The following BBS9 variants were observed in gnomAD, a reference collection of about 807,000 sequenced individuals.
The protein encoded by BBS9 is protein PTHB1.
In BBS9, 89 loss-of-function variants were observed where a neutral mutation model predicts 117.7. That is an observed-to-expected ratio of 0.76 (90% confidence interval 0.64 to 0.90). BBS9 has a LOEUF of 0.90. BBS9 is among the 40% of genes least tolerant of loss of function. BBS9 has a pLI of 0.00. For missense variants in BBS9, 982 were observed against 1,042.2 expected, an observed-to-expected ratio of 0.94 and a Z score of 0.80; for synonymous variants, 379 against 370.9, an observed-to-expected ratio of 1.02 and a Z score of -0.25.
chr7:33,591,812 A>G (rs1010866854), intron 21 of BBS9, among the ~76,000 whole-genome samples: 4 of 152,052 alleles, frequency 2.6e-5, no homozygotes, highest in Admixed American at 2.6e-4. Context: ...TAGTAATAGC[A>G]CTGCTGGTAA....
chr7:33,424,972 T>G (rs1216688493), intron 19 of BBS9, among the ~76,000 whole-genome samples: 1 of 152,146 alleles, frequency 6.6e-6, no homozygotes, highest in Non-Finnish European at 1.5e-5. Context: ...TTTAAAAATG[T>G]TTATTGACCT....
chr7:33,555,689 TG>T (rs1281596497), intron 21 of BBS9, among the ~76,000 whole-genome samples: 1 of 152,176 alleles, frequency 6.6e-6, no homozygotes, highest in East Asian at 1.9e-4. Context: ...TGGTTCTAGT[TG>T]GCCAATGTGT....
chr7:33,534,276 T>A, intron 21 of BBS9, 100 bp downstream of exon 21: 2 of 1,259,730 alleles, frequency 1.6e-6, no homozygotes, highest in Non-Finnish European at 2.3e-6. Flanking sequence ...CATATTAAAG[T>A]GATGATAGCC....
chr7:33,400,795 TA>T (rs572075551), intron 19 of BBS9, among the ~76,000 whole-genome samples: 2 of 152,172 alleles, frequency 1.3e-5, no homozygotes, highest in Admixed American at 6.5e-5. Flanking sequence ...AAGGATAAAT[TA>T]AGGTGCTGTA....
At chr7:33,309,690 A>G (rs1319104284) in intron 9 of BBS9, among the ~76,000 whole-genome samples, 1 of 152,206 alleles carries the variant, frequency 6.6e-6, no homozygotes, top group African/African-American at 2.4e-5. Flanking sequence ...AATGTATATG[A>G]AAGTCCCTTT....
intron 21 of BBS9, among the ~76,000 whole-genome samples, chr7:33,568,012 C>T (rs2129132120): frequency 6.6e-6 from 1 of 152,264 alleles, no homozygotes. Context: ...CTTTCTTCTT[C>T]AATACATTTT....
chr7:33,228,073 T>C (rs1482449122), intron 5 of BBS9, among the ~76,000 whole-genome samples: 1 of 152,196 alleles, frequency 6.6e-6, no homozygotes, highest in Non-Finnish European at 1.5e-5. Context: ...ATAGTGGTTG[T>C]ACTAATTTAC....
chr7:33,609,314 A>G (rs1864746897), downstream of BBS9, among the ~76,000 whole-genome samples: 1 of 152,132 alleles, frequency 6.6e-6, no homozygotes, highest in Non-Finnish European at 1.5e-5. Context: ...GCAAGAAGAT[A>G]TTTAAATATT....
At chr7:33,290,324 G>A (rs1258097149) in intron 9 of BBS9, among the ~76,000 whole-genome samples, 1 of 152,106 alleles carries the variant, frequency 6.6e-6, no homozygotes. Context: ...CTGCAACACA[G>A]TTTATATGGA....
chr7:33,451,802 GT>G (rs1219653965), intron 19 of BBS9, among the ~76,000 whole-genome samples: 3 of 151,182 alleles, frequency 2.0e-5, no homozygotes, highest in Admixed American at 6.6e-5. Context: ...AACAATTTTT[GT>G]TTTCTGTTTT....
intron 5 of BBS9, among the ~76,000 whole-genome samples, chr7:33,208,343 T>C (rs1787352804): frequency 6.6e-6 from 1 of 152,226 alleles, no homozygotes; most frequent in Admixed American, 6.5e-5. Flanking sequence ...GTCTCTGTTT[T>C]CTTTTTCTAG....
At chr7:33,206,087 C>T (rs1470909549) in intron 5 of BBS9, among the ~76,000 whole-genome samples, 1 of 152,000 alleles carries the variant, frequency 6.6e-6, no homozygotes. Flanking sequence ...TCATTTTTTT[C>T]CCCTGGCAGG....
intron 5 of BBS9, among the ~76,000 whole-genome samples, chr7:33,206,160 C>T (rs891376481): frequency 6.6e-6 from 1 of 152,126 alleles, no homozygotes; most frequent in African/African-American, 2.4e-5. Context: ...TCTGCAAATC[C>T]CCAAGTACTG....
chr7:33,196,748 G>A (rs1024432319), intron 5 of BBS9, among the ~76,000 whole-genome samples: 1 of 152,116 alleles, frequency 6.6e-6, no homozygotes, highest in Non-Finnish European at 1.5e-5. Context: ...GTGAGAAGTC[G>A]GAAGATCAAG....
intron 9 of BBS9, chr7:33,314,175 C>G: frequency 2.8e-6 from 1 of 353,648 alleles, no homozygotes; most frequent in South Asian, 2.4e-5. Context: ...AAAATTCTGG[C>G]CTAGAATCAT....
chr7:33,174,091 T>A (rs996070852), intron 4 of BBS9, among the ~76,000 whole-genome samples: 2 of 152,212 alleles, frequency 1.3e-5, no homozygotes, highest in Non-Finnish European at 2.9e-5. Flanking sequence ...CTAGATCCAG[T>A]CTGATCCTAG....
At chr7:33,337,222 A>AT (rs931797548) in intron 10 of BBS9, among the ~76,000 whole-genome samples, 11 of 151,622 alleles carry the variant, frequency 7.3e-5, no homozygotes, top group South Asian at 2.1e-4. Context: ...AAAGGGTATA[A>AT]TTTTTTTTTG....
chr7:33,320,116 T>C (rs191816171), intron 9 of BBS9, among the ~76,000 whole-genome samples: 1 of 152,260 alleles, frequency 6.6e-6, no homozygotes, highest in Admixed American at 6.5e-5. Context: ...ACAGTTCAGT[T>C]ATACTCTTTA....
chr7:33,302,377 C>T (rs1362289647), intron 9 of BBS9, among the ~76,000 whole-genome samples: 1 of 152,020 alleles, frequency 6.6e-6, no homozygotes, highest in Non-Finnish European at 1.5e-5. Context: ...GAGAGTTTCC[C>T]CAGTGTTTTC....
Sources: allele counts gnomAD v4.1 joint callset (sites outside exome capture counted in the v4.1 genomes callset), GRCh38; gene constraint gnomAD v4.1.1; transcripts MANE v1.5; gene names NCBI Gene and HGNC (gene_info 2026-07-23, HGNC 2026-07-21).